Variants in MXRA5 observed in about 807,000 individuals in gnomAD.
MXRA5 encodes the protein matrix remodeling associated 5.
MXRA5 carries 41 observed loss-of-function variants against 112.5 expected under a neutral mutation model. That is an observed-to-expected ratio of 0.36 (90% CI 0.28 to 0.47). The LOEUF is 0.47. Among genes scored for constraint, MXRA5 ranks in the 20% least tolerant of loss-of-function variants. The pLI is 0.99. For missense variants in MXRA5, 2,150 were observed against 2,251.0 expected (o/e 0.96, Z 0.91); for synonymous variants, 862 against 900.8 (o/e 0.96, Z 0.77).
At chrX:3,332,476 C>T (rs772926586) in intron 2 of MXRA5, among the ~76,000 whole-genome samples, 76 of 110,652 alleles carry the variant, frequency 6.9e-4, no homozygotes, top group African/African-American at 2.4e-3. Flanking sequence ...GATCTCCTGA[C>T]CTCCTGATCC....
chrX:3,312,926 GC>G (rs1921009565), intron 6 of MXRA5, among the ~76,000 whole-genome samples: 1 of 111,732 alleles, frequency 8.9e-6, no homozygotes, highest in East Asian at 2.8e-4. Context: ...TTTAAAATAA[GC>G]CCAGTTGTGA....
At position 3,323,033 on chromosome X, in the gene MXRA5, C is replaced by G. The variant is rs1296995858; in HGVS notation, c.2652G>C (p.Leu884=). ...LVEPEVTSTP[L]EEVVDDLSEK... is the part of the protein sequence containing the mutation. ...CGGAAAGGTCATCAACAACTTCCTC[C>G]AGAGGTGTGCTTGTTACTTCAGGTT... Residue 884 remains leucine, a synonymous_variant, in exon 5 of 7, where the codon CTG becomes CTC. Transcript: ENST00000217939. 1 of 1,211,662 alleles carries G rather than the reference C, an allele frequency of 8.3e-7. No individual in the cohort carries two copies. Among genetic ancestry groups the G allele is most frequent in the South Asian group, 1.8e-5 (1 of 56,967 alleles).
intron 2 of MXRA5, among the ~76,000 whole-genome samples, chrX:3,341,824 C>T (rs759343566): frequency 2.0e-5 from 2 of 101,709 alleles, no homozygotes; most frequent in African/African-American, 7.1e-5. Flanking sequence ...GTGGCTAATC[C>T]CAGCAAGTTA....
chrX:3,329,882 G>A (rs1232678728), intron 4 of MXRA5, 136 bp downstream of exon 4: 184 of 737,760 alleles, frequency 2.5e-4, no homozygotes, highest in Non-Finnish European at 6.0e-5. Flanking sequence ...TTCCTGTCTA[G>A]CTGATTGGGT....
Position 3,317,329 on chromosome X carries a change from C to G in MXRA5, c.6352G>C (p.Gly2118Arg). 8.3e-7 allele frequency: 1 copy of G among 1,208,156 alleles called. No homozygotes were observed. The highest frequency in any genetic ancestry group is 1.1e-6 in the Non-Finnish European group (1 of 893,653). Reference sequence around the variant, plus strand: ...TTGGCGGCCACGCACTCATAGCGCCCGCTGTCCTTGGGCGCGAGGTTGCGG... The same window carrying G: ...TTGGCGGCCACGCACTCATAGCGCCGGCTGTCCTTGGGCGCGAGGTTGCGG... ...YIRNLAPKDS[G>R]RYECVAANLV... The change falls in exon 6 of 7, where the codon GGG (glycine) becomes CGG (arginine). Residue 2118 changes from glycine (G) to arginine (R), a missense_variant. Around this residue, in one of 6 missense-constraint regions of MXRA5, gnomAD observed 1,485 missense variants for 1,471.6 expected, o/e 1.01. Transcript: ENST00000217939.
intron 2 of MXRA5, among the ~76,000 whole-genome samples, chrX:3,340,064 C>T (rs5983130): frequency 0.17 from 17,796 of 106,843 alleles, 1,808 homozygotes; most frequent in African/African-American, 0.41. Flanking sequence ...GAAAAAAATA[C>T]TTAAGAGTCT....
At position 3,317,467 on chromosome X, in the gene MXRA5, T is replaced by C; in HGVS notation, c.6214A>G (p.Lys2072Glu). 1 of 1,195,443 alleles carries C rather than the reference T, an allele frequency of 8.4e-7. No individual in the cohort carries two copies. The highest frequency in any genetic ancestry group is 1.8e-5 in the South Asian group (1 of 54,987). Residue 2072 changes from lysine to glutamate, a missense_variant, in exon 6 of 7, where the codon AAG (lysine) becomes GAG (glutamate). By Grantham distance (56) the Lys-to-Glu change is moderately conservative. Around this residue, in one of 6 missense-constraint regions of MXRA5, gnomAD observed 1,485 missense variants for 1,471.6 expected, o/e 1.01. Coordinates refer to ENST00000217939, the MANE Select transcript of MXRA5 (RefSeq NM_015419.4). ...CGCACGCTGGGCAGGGGCGCAGCCT[T>C]GGCAGTGCAGTGAATGTGAATGCTG... ...GLSIHIHCTA[K>E]AAPLPSVRWV...
Position 3,322,127 on chromosome X carries a change from T to C in MXRA5, c.3558A>G (p.Gln1186=). The C allele has an allele frequency of 8.3e-7, 1 of 1,202,833 alleles. No individual in the cohort carries two copies. Among genetic ancestry groups the C allele is most frequent in the South Asian group, 1.8e-5 (1 of 55,330 alleles). The part of the protein sequence containing the change: ...PSETFSTQPT[Q]APDIKISSQV... The stretch of plus-strand genomic sequence containing the variant: ...GACTTGAAATCTTAATGTCAGGTGC[T>C]TGAGTTGGTTGAGTAGAAAAAGTCT... The change falls in exon 5 of 7, where the codon CAA becomes CAG. Residue 1186 remains glutamine (Q), a synonymous_variant. Coordinates refer to ENST00000217939, the MANE Select transcript of MXRA5 (RefSeq NM_015419.4).
At position 3,311,439 on chromosome X, in the gene MXRA5, A is replaced by G; in HGVS notation, c.6764T>C (p.Val2255Ala). Residue 2255 changes from valine (V) to alanine (A), a missense_variant, in exon 7 of 7, where the codon GTC (valine) becomes GCC (alanine). Physicochemically the swap from Val to Ala is moderately conservative, Grantham distance 64 (BLOSUM62 0). Transcript: ENST00000217939. ...CACTTTCAGGTCACCCCCGTAGAAGACTTTGTGGTCGTTCTCCTCCTTGTG... is the reference window on the plus strand; with the variant it reads ...CACTTTCAGGTCACCCCCGTAGAAGGCTTTGTGGTCGTTCTCCTCCTTGTG... ...IEHKEENDHKVFYGGDLKVDC... is the reference protein window; with the variant it reads ...IEHKEENDHKAFYGGDLKVDC... 2 of 1,211,454 alleles carry G rather than the reference A, an allele frequency of 1.7e-6. No homozygotes were observed. The highest frequency in any genetic ancestry group is 2.2e-6 in the Non-Finnish European group (2 of 895,492).
chrX:3,313,313 G>A (rs1921015864), intron 6 of MXRA5, among the ~76,000 whole-genome samples: 2 of 112,598 alleles, frequency 1.8e-5, no homozygotes, highest in African/African-American at 6.5e-5. Context: ...AGGCTGGAGT[G>A]CAGCGGCCTG....
At position 3,310,738 on chromosome X, in the gene MXRA5, G is replaced by A. The variant is rs746921444; in HGVS notation, c.7465C>T (p.Pro2489Ser). The A allele has an allele frequency of 2.5e-6, 3 of 1,197,666 alleles. No homozygotes were observed. The South Asian group carries it at 5.4e-5, about 22-fold the overall frequency. ...ACAGTGATCCGGTTTCCATAGTATG[G>A]AGCTGGCAGAACCACACCCTCGGGA... The part of the protein sequence containing the change: ...AFPEGVVLPA[P>S]YYGNRITVHG... Residue 2489 changes from proline (P) to serine (S), a missense_variant, in exon 7 of 7, where the codon CCA (proline) becomes TCA (serine). Physicochemically the swap from Pro to Ser is moderately conservative, Grantham distance 74. Coordinates refer to ENST00000217939, the MANE Select transcript of MXRA5 (RefSeq NM_015419.4).
At chrX:3,341,104 A>ATATATTATATTATG (rs1569188368) in intron 2 of MXRA5, among the ~76,000 whole-genome samples, 2,173 of 30,934 alleles carry the variant, frequency 0.07, 10 homozygotes, top group Non-Finnish European at 0.097. Context: ...GTTATACATA[A>ATATATTATATTATG]TATAATATAA....
rs368892933 is a variant in MXRA5, at chrX:3,323,989, T to A, written c.1696A>T (p.Met566Leu). ...GACTGCACAAGTACCCTATATACCA[T>A]GCGGTCCATTTCATCCCTCACTTGA... ...IAQVRDEMDR[M>L]VYRVLVQSPS... Residue 566 changes from methionine (M) to leucine (L), a missense_variant, in exon 5 of 7, where the codon ATG becomes TTG. Met to Leu is a conservative substitution (Grantham distance 15). Coordinates refer to ENST00000217939, the MANE Select transcript of MXRA5 (RefSeq NM_015419.4). 126 of 1,203,307 alleles carry A rather than the reference T, an allele frequency of 1.0e-4. No homozygotes were observed. Among genetic ancestry groups the A allele is most frequent in the Non-Finnish European group, 1.4e-4 (124 of 891,495 alleles).
At chrX:3,342,295 C>T (rs1227405370) in intron 2 of MXRA5, among the ~76,000 whole-genome samples, 1 of 110,867 alleles carries the variant, frequency 9.0e-6, no homozygotes, top group Non-Finnish European at 1.9e-5. Flanking sequence ...GTGCAGCAAA[C>T]CACCAGGGCA....
At chrX:3,341,188 T>A (rs1371395082) in intron 2 of MXRA5, among the ~76,000 whole-genome samples, 1,016 of 17,290 alleles carry the variant, frequency 0.059, 43 homozygotes, top group African/African-American at 0.12. Flanking sequence ...ATATATAATA[T>A]ATAATTATTA....
intron 5 of MXRA5, 34 bp from the exon 6 acceptor site, chrX:3,318,037 A>G: frequency 9.0e-7 from 1 of 1,105,075 alleles, no homozygotes. Context: ...CTTTGGCATA[A>G]ACTGTGCCCT....
At position 3,322,239 on chromosome X, in the gene MXRA5, C is replaced by T; in HGVS notation, c.3446G>A (p.Arg1149Lys). 1 of 1,196,366 alleles carries T rather than the reference C, an allele frequency of 8.4e-7. No individual in the cohort carries two copies. The highest frequency in any genetic ancestry group is 3.0e-5 in the East Asian group (1 of 33,658). Residue 1149 changes from arginine (R) to lysine (K), a missense_variant, in exon 5 of 7, where the codon AGG becomes AAG. Physicochemically the swap from Arg to Lys is conservative, Grantham distance 26 (BLOSUM62 2). Around this residue, in one of 6 missense-constraint regions of MXRA5, gnomAD observed 1,485 missense variants for 1,471.6 expected, o/e 1.01. Transcript: ENST00000217939. ...SSTMSTHPSRRRPNGRRRLRP... is the reference protein window; with the variant it reads ...SSTMSTHPSRKRPNGRRRLRP... Reference sequence around the variant, plus strand: ...TAATCTCCTTCTCCCGTTGGGTCTCCTTCGAGAAGGGTGAGTGCTCATGGT... The same window carrying T: ...TAATCTCCTTCTCCCGTTGGGTCTCTTTCGAGAAGGGTGAGTGCTCATGGT...
intron 2 of MXRA5, among the ~76,000 whole-genome samples, chrX:3,339,384 C>T (rs1921863769): frequency 9.0e-6 from 1 of 110,904 alleles, no homozygotes; most frequent in African/African-American, 3.3e-5. Context: ...CCTGCCTCAG[C>T]CTCCCAAGTA....
At chrX:3,316,453 G>C (rs961102487) in intron 6 of MXRA5, among the ~76,000 whole-genome samples, 18 of 105,065 alleles carry the variant, frequency 1.7e-4, no homozygotes, top group African/African-American at 1.0e-4. Flanking sequence ...TGAAGTGTTC[G>C]AGATCATCCT....
Sources: allele counts gnomAD v4.1 joint callset (sites outside exome capture counted in the v4.1 genomes callset), GRCh38; gene constraint gnomAD v4.1.1; regional missense constraint gnomAD v4.1.1; transcripts MANE v1.5; gene names NCBI Gene and HGNC (gene_info 2026-07-23, HGNC 2026-07-21).